The following RIMS2 variants were observed in gnomAD, a reference collection of about 807,000 sequenced individuals.
RIMS2 encodes regulating synaptic membrane exocytosis 2, also known as regulating synaptic membrane exocytosis protein 2.
In RIMS2, 59 loss-of-function variants were observed where a neutral mutation model predicts 174.4. That is an observed-to-expected ratio of 0.34 (90% CI 0.27 to 0.42). The LOEUF (loss-of-function observed/expected upper bound fraction) is 0.42. RIMS2 is among the 10% of genes least tolerant of loss of function. RIMS2 has a pLI of 1.00. For synonymous variants in RIMS2, 606 were observed against 572.5 expected (o/e 1.06, Z -0.84); for missense variants, 1,620 against 1,666.3 (o/e 0.97, Z 0.48).
At chr8:103,635,583 C>G (rs1589445889) in intron 1 of RIMS2, among the ~76,000 whole-genome samples, 1 of 152,244 alleles carries the variant, frequency 6.6e-6, no homozygotes, top group Admixed American at 6.5e-5. Context: ...CAGCCTGTTC[C>G]TCCCTCTGGG....
intron 1 of RIMS2, among the ~76,000 whole-genome samples, chr8:103,680,222 C>T (rs1017823453): frequency 6.6e-6 from 1 of 151,818 alleles, no homozygotes; most frequent in African/African-American, 2.4e-5. Flanking sequence ...CATAAACAGA[C>T]CTATGTATAT....
At chr8:103,522,043 G>A (rs1831960795) in intron 1 of RIMS2, among the ~76,000 whole-genome samples, 2 of 151,858 alleles carry the variant, frequency 1.3e-5, no homozygotes, top group Non-Finnish European at 2.9e-5. Flanking sequence ...CTCTGCAGTA[G>A]TTTATCAAAG....
At chr8:103,588,850 CAA>C (rs1046946833) in intron 1 of RIMS2, among the ~76,000 whole-genome samples, 1 of 151,748 alleles carries the variant, frequency 6.6e-6, no homozygotes, top group African/African-American at 2.4e-5. Context: ...TTGGTCTGGG[CAA>C]AAGTTTCTTG....
chr8:103,628,731 G>A (rs375695274), intron 1 of RIMS2, among the ~76,000 whole-genome samples: 4 of 135,622 alleles, frequency 2.9e-5, no homozygotes, highest in East Asian at 2.1e-4. Flanking sequence ...ACCCACAACC[G>A]AGAAACATCA....
Position 104,248,669 on chromosome 8 carries a change from G to T in RIMS2, c.3477-32G>T, listed in dbSNP as rs762421118. On this transcript the variant is annotated intron_variant, in intron 20 of 23. Coordinates refer to ENST00000504942, the Ensembl canonical transcript of RIMS2. The stretch of plus-strand genomic sequence containing the variant: ...TTACCTGAAAATAAATAGGGGTTGG[G>T]GATTTAATCTCATATGTTATTTTGC... 6 of 1,131,980 alleles carry T rather than the reference G, an allele frequency of 5.3e-6. No homozygotes were observed. In the East Asian group the frequency reaches 9.4e-5, roughly 18 times the overall value. The allele number at this position is 1,131,980 out of a possible 1,614,324, so 70.1% of individuals were successfully genotyped here.
intron 19 of RIMS2, among the ~76,000 whole-genome samples, chr8:104,029,980 A>G (rs972040248): frequency 5.9e-5 from 9 of 152,200 alleles, no homozygotes; most frequent in African/African-American, 2.2e-4. Flanking sequence ...CCGCAGATTA[A>G]TGCTGATCAG....
chr8:104,017,936 A>G (rs2095970833), intron 19 of RIMS2, among the ~76,000 whole-genome samples: 1 of 151,904 alleles, frequency 6.6e-6, no homozygotes, highest in South Asian at 2.1e-4. Context: ...TTAGCCAGGC[A>G]TGATGGCCCA....
Position 103,918,397 on chromosome 8 carries a change from G to T in RIMS2, c.2037-44G>T, listed in dbSNP as rs780934554. On this transcript the variant is annotated intron_variant, in intron 8 of 23. Coordinates refer to ENST00000504942, the Ensembl canonical transcript of RIMS2. Reference sequence around the variant, plus strand: ...ATAAAAAATATGAGTTGCATTAATTGTTGAAACAGTTTCTGTCTTTCTTTT... The same window carrying T: ...ATAAAAAATATGAGTTGCATTAATTTTTGAAACAGTTTCTGTCTTTCTTTT... The T allele has an allele frequency of 3.1e-5, 40 of 1,287,798 alleles. 1 individual carries two copies. The South Asian group carries it at 5.3e-4, about 17-fold the overall frequency. 79.8% of individuals were successfully genotyped at this position (1,287,798 alleles called of 1,614,324 possible).
intron 19 of RIMS2, among the ~76,000 whole-genome samples, chr8:104,145,680 A>AATAAATAAATAC (rs2098631453): frequency 1.4e-5 from 2 of 144,504 alleles, no homozygotes; most frequent in Admixed American, 1.4e-4. Context: ...ACAATAAATA[A>AATAAATAAATAC]ATAAATAAAT....
intron 19 of RIMS2, among the ~76,000 whole-genome samples, chr8:104,018,741 C>T (rs12541582): frequency 0.035 from 5,374 of 152,074 alleles, 158 homozygotes; most frequent in East Asian, 0.12. Context: ...AAATATAGAA[C>T]GGAATATAAA....
rs919034023 is a variant in RIMS2, at chr8:103,538,577, C to T, written c.176+37515C>T. On this transcript the variant is annotated intron_variant, in intron 1 of 23. Transcript: ENST00000504942. The stretch of plus-strand genomic sequence containing the variant: ...TGTTGCCCAGGCTGGACTACAGTGG[C>T]GCAATCTCAGCTCAGTGCAAGCTCC... Among the ~76,000 whole-genome samples, 20 of 151,740 alleles carry T rather than the reference C, an allele frequency of 1.3e-4. No individual in the cohort carries two copies. In the East Asian group the frequency reaches 2.3e-3, roughly 18 times the overall value.
intron 1 of RIMS2, among the ~76,000 whole-genome samples, chr8:103,624,576 G>A (rs1019533956): frequency 2.6e-5 from 4 of 152,134 alleles, no homozygotes. Context: ...CTGTCACCGT[G>A]AAATTCTTGA....
intron 19 of RIMS2, among the ~76,000 whole-genome samples, chr8:104,201,442 G>C (rs549734269): frequency 1.3e-5 from 2 of 152,138 alleles, no homozygotes; most frequent in African/African-American, 4.8e-5. Context: ...TGATATCTAA[G>C]AGAAGAATAT....
intron 1 of RIMS2, among the ~76,000 whole-genome samples, chr8:103,524,688 A>G (rs747756294): frequency 3.9e-5 from 6 of 152,178 alleles, no homozygotes; most frequent in Admixed American, 1.3e-4. Context: ...CTGCACTTCT[A>G]TTGATCCAGA....
At chr8:103,517,331 T>C (rs1266373113) in intron 1 of RIMS2, among the ~76,000 whole-genome samples, 2 of 152,132 alleles carry the variant, frequency 1.3e-5, no homozygotes. Flanking sequence ...ACACGGACTG[T>C]GAAAAGCATA....
At chr8:103,870,230 C>G (rs2099104093) in intron 3 of RIMS2, among the ~76,000 whole-genome samples, 1 of 150,928 alleles carries the variant, frequency 6.6e-6, no homozygotes, top group African/African-American at 2.4e-5. Flanking sequence ...GCTCAGTTTA[C>G]ACATCTGAAA....
At chr8:103,986,509 A>G (rs1027497661) in intron 16 of RIMS2, among the ~76,000 whole-genome samples, 58 of 152,334 alleles carry the variant, frequency 3.8e-4, no homozygotes, top group African/African-American at 1.4e-3. Context: ...GAAAAAGGGA[A>G]ACAACTACAG....
intron 1 of RIMS2, among the ~76,000 whole-genome samples, chr8:103,520,977 C>T (rs1414963101): frequency 6.6e-6 from 1 of 151,968 alleles, no homozygotes; most frequent in African/African-American, 2.4e-5. Flanking sequence ...TTTCCAGTTT[C>T]ATCCATGTCC....
chr8:103,823,068 T>G (rs999410128), intron 3 of RIMS2, among the ~76,000 whole-genome samples: 4 of 151,942 alleles, frequency 2.6e-5, no homozygotes, highest in African/African-American at 9.6e-5. Flanking sequence ...AGTTTTTCCA[T>G]TTGCTAATTT....
Sources: gnomAD v4.1 joint callset for allele counts (sites outside exome capture counted in the v4.1 genomes callset) on GRCh38, gnomAD v4.1.1 for gene constraint, MANE v1.5 for transcripts, NCBI Gene and HGNC (gene_info 2026-07-23, HGNC 2026-07-21) for gene names.